SLC8A3: variants seen among roughly 807,000 people sequenced by gnomAD.
SLC8A3 encodes the protein sodium/calcium exchanger 3.
A neutral mutation model predicts 65.4 loss-of-function variants in SLC8A3; 37 were observed. That is an observed-to-expected ratio of 0.57 (90% CI 0.44 to 0.74). SLC8A3 has a LOEUF of 0.74. Among genes scored for constraint, SLC8A3 ranks in the 30% least tolerant of loss-of-function variants. The pLI, the probability that SLC8A3 is intolerant of heterozygous loss-of-function variation, is 0.00. For missense variants in SLC8A3, 1,112 were observed against 1,172.1 expected (o/e 0.95, Z 0.75); for synonymous variants, 461 against 444.5 (o/e 1.04, Z -0.47).
intron 2 of SLC8A3, among the ~76,000 whole-genome samples, chr14:70,108,654 A>G (rs1394214741): frequency 6.6e-6 from 1 of 152,224 alleles, no homozygotes; most frequent in Non-Finnish European, 1.5e-5. Flanking sequence ...GCTGCTGCTC[A>G]TGGTGGTGTG....
chr14:70,093,824 C>A (rs1454908379), intron 2 of SLC8A3, among the ~76,000 whole-genome samples: 1 of 152,182 alleles, frequency 6.6e-6, no homozygotes, highest in Non-Finnish European at 1.5e-5. Context: ...GAAAATGGAG[C>A]CTGTGTCCCC....
At chr14:70,162,515 G>A (rs1896951054) in intron 2 of SLC8A3, among the ~76,000 whole-genome samples, 1 of 152,166 alleles carries the variant, frequency 6.6e-6, no homozygotes, top group South Asian at 2.1e-4. Context: ...AATTATAATA[G>A]ATCTTGGCAT....
At chr14:70,164,384 C>A (rs1897050246) in intron 2 of SLC8A3, among the ~76,000 whole-genome samples, 1 of 152,022 alleles carries the variant, frequency 6.6e-6, no homozygotes, top group Non-Finnish European at 1.5e-5. Context: ...ACTCATTATT[C>A]TGCAATGAAT....
rs576306637 is a variant in SLC8A3, at chr14:70,186,613, A to G, written c.-63+1766T>C. On this transcript the variant is annotated intron_variant, in intron 1 of 6. Transcript: ENST00000356921. The stretch of plus-strand genomic sequence containing the variant: ...CTTATCTGCTTCCTCTCAACCCAGT[A>G]TCTACATTTCATTTAAAGAAAAAGG... Among the ~76,000 whole-genome samples, 6 of 152,340 alleles carry G rather than the reference A, an allele frequency of 3.9e-5. No homozygotes were observed. In the South Asian group the frequency reaches 6.2e-4, roughly 16 times the overall value.
At chr14:70,053,642 T>C (rs1400365191) in intron 3 of SLC8A3, among the ~76,000 whole-genome samples, 1 of 152,226 alleles carries the variant, frequency 6.6e-6, no homozygotes, top group African/African-American at 2.4e-5. Context: ...CTTGTCTACC[T>C]ATCAATCTAG....
At chr14:70,129,302 C>G (rs911608619) in intron 2 of SLC8A3, among the ~76,000 whole-genome samples, 12 of 152,182 alleles carry the variant, frequency 7.9e-5, no homozygotes, top group African/African-American at 2.7e-4. Flanking sequence ...CTGATCTGCA[C>G]TCCTGGACAC....
At chr14:70,142,164 T>C (rs965177426) in intron 2 of SLC8A3, among the ~76,000 whole-genome samples, 53 of 152,330 alleles carry the variant, frequency 3.5e-4, no homozygotes, top group Admixed American at 3.4e-3. Flanking sequence ...GCAGGCCTGA[T>C]ATGGAGGGTG....
At chr14:70,160,877 C>A (rs200429257) in intron 2 of SLC8A3, among the ~76,000 whole-genome samples, 206 of 133,586 alleles carry the variant, frequency 1.5e-3, no homozygotes, top group Admixed American at 1.7e-3. Context: ...AGAAAAGAGA[C>A]AAAAAAAAAA....
At chr14:70,094,303 A>G (rs1208790924) in intron 2 of SLC8A3, among the ~76,000 whole-genome samples, 1 of 152,226 alleles carries the variant, frequency 6.6e-6, no homozygotes, top group African/African-American at 2.4e-5. Context: ...AGACTGTGAA[A>G]TGTGGATAAT....
chr14:70,163,402 G>A lies in SLC8A3; in HGVS notation c.1784+3237C>T, dbSNP rs184858875. Among the ~76,000 whole-genome samples the A allele has an allele frequency of 2.6e-5, 4 of 152,250 alleles. 1 individual carries two copies. Among genetic ancestry groups the A allele is most frequent in the South Asian group, 4.2e-4 (2 of 4,816 alleles). ...AGCATAAAACCAAACATGTGAATTCGTGGATCCTATATTATTGATAGAGCA... is the reference window on the plus strand; with the variant it reads ...AGCATAAAACCAAACATGTGAATTCATGGATCCTATATTATTGATAGAGCA... On this transcript the variant is annotated intron_variant, in intron 2 of 6. Transcript: ENST00000356921.
At chr14:70,135,947 T>A (rs938953298) in intron 2 of SLC8A3, among the ~76,000 whole-genome samples, 65 of 152,364 alleles carry the variant, frequency 4.3e-4, no homozygotes, top group African/African-American at 1.5e-3. Context: ...GTGATGGATA[T>A]TCCAATCACC....
At chr14:70,120,111 C>T (rs1218179817) in intron 2 of SLC8A3, among the ~76,000 whole-genome samples, 1 of 152,328 alleles carries the variant, frequency 6.6e-6, no homozygotes, top group South Asian at 2.1e-4. Flanking sequence ...GGAGCCAATA[C>T]GATGGAAGCT....
chr14:70,143,455 G>A (rs2140279761), intron 2 of SLC8A3, among the ~76,000 whole-genome samples: 1 of 152,290 alleles, frequency 6.6e-6, no homozygotes, highest in South Asian at 2.1e-4. Flanking sequence ...AGATGGGCCT[G>A]GGAGCACCCC....
At chr14:70,138,440 G>A (rs1411005932) in intron 2 of SLC8A3, among the ~76,000 whole-genome samples, 1 of 152,174 alleles carries the variant, frequency 6.6e-6, no homozygotes, top group African/African-American at 2.4e-5. Context: ...AAGCAGCTTC[G>A]ATGTGACAGA....
chr14:70,059,675 C>G (rs1048153510), intron 3 of SLC8A3, among the ~76,000 whole-genome samples: 2 of 152,182 alleles, frequency 1.3e-5, no homozygotes, highest in Non-Finnish European at 2.9e-5. Context: ...GGAGATGAGG[C>G]CACTTCTCTA....
At chr14:70,119,430 G>T (rs577800190) in intron 2 of SLC8A3, among the ~76,000 whole-genome samples, 33 of 152,288 alleles carry the variant, frequency 2.2e-4, no homozygotes, top group African/African-American at 7.9e-4. Context: ...CATCACTGGG[G>T]ACCCCACCCA....
intron 1 of SLC8A3, among the ~76,000 whole-genome samples, chr14:70,172,715 C>T (rs1488122066): frequency 6.6e-6 from 1 of 151,882 alleles, no homozygotes; most frequent in African/African-American, 2.4e-5. Context: ...CGCGTTTGCC[C>T]TCAAAGGTAC....
At chr14:70,102,930 A>G (rs1368032402) in intron 2 of SLC8A3, among the ~76,000 whole-genome samples, 2 of 152,034 alleles carry the variant, frequency 1.3e-5, no homozygotes, top group African/African-American at 2.4e-5. Flanking sequence ...CTGAGAAATA[A>G]AAAGCTCACA....
At chr14:70,152,942 A>C (rs985759173) in intron 2 of SLC8A3, among the ~76,000 whole-genome samples, 2 of 152,194 alleles carry the variant, frequency 1.3e-5, no homozygotes, top group Non-Finnish European at 2.9e-5. Context: ...TCTCCTGAGC[A>C]TCAAAGGCAG....
Sources: gnomAD v4.1 joint callset for allele counts (sites outside exome capture counted in the v4.1 genomes callset) on GRCh38, gnomAD v4.1.1 for gene constraint, MANE v1.5 for transcripts, NCBI Gene and HGNC (gene_info 2026-07-23, HGNC 2026-07-21) for gene names.